Variants in LIN7A observed in about 807,000 individuals in gnomAD.
LIN7A encodes lin-7 cell polarity scaffold A.
LIN7A carries 25 observed loss-of-function variants against 29.8 expected under a neutral mutation model. That is an observed-to-expected ratio of 0.84 (90% CI 0.61 to 1.17). The LOEUF (loss-of-function observed/expected upper bound fraction) is 1.17, where lower values mean the gene tolerates loss of function less well. LIN7A is among the 50% of genes most tolerant of loss of function. The probability of loss-of-function intolerance (pLI) is 0.00; values close to 1 mark genes in which losing one functional copy is unlikely to be tolerated. For synonymous variants in LIN7A, 118 were observed against 107.5 expected, an observed-to-expected ratio of 1.10 and a Z score of -0.60; for missense variants, 239 against 287.0, an observed-to-expected ratio of 0.83 and a Z score of 1.21.
chr12:80,813,279 G>A (rs2121514071), intron 4 of LIN7A, among the ~76,000 whole-genome samples: 1 of 152,200 alleles, frequency 6.6e-6, no homozygotes, highest in South Asian at 2.1e-4. Flanking sequence ...CCAAAGTGCT[G>A]GGATTACAGG....
chr12:80,799,088 T>C (rs779230875), intron 5 of LIN7A, among the ~76,000 whole-genome samples: 2 of 152,154 alleles, frequency 1.3e-5, no homozygotes, highest in African/African-American at 4.8e-5. Flanking sequence ...CCTGAAGGAA[T>C]GGGACTCAGA....
At chr12:80,881,246 T>C (rs372274706) in intron 2 of LIN7A, among the ~76,000 whole-genome samples, 3 of 152,182 alleles carry the variant, frequency 2.0e-5, no homozygotes, top group East Asian at 1.9e-4. Flanking sequence ...AGGAAACTTA[T>C]CACACAAGAA....
At chr12:80,912,726 A>AAAG (rs1370129688) in intron 1 of LIN7A, among the ~76,000 whole-genome samples, 3 of 149,106 alleles carry the variant, frequency 2.0e-5, no homozygotes, top group African/African-American at 4.9e-5. Flanking sequence ...AAAAAAAAAA[A>AAAG]AAAGAAAAGA....
chr12:80,836,894 T>C (rs1298827081), intron 4 of LIN7A, among the ~76,000 whole-genome samples: 1 of 152,122 alleles, frequency 6.6e-6, no homozygotes, highest in African/African-American at 2.4e-5. Flanking sequence ...TGAAGGTCTT[T>C]GCTGTGCAGC....
intron 4 of LIN7A, among the ~76,000 whole-genome samples, chr12:80,822,306 C>T (rs1871844798): frequency 6.6e-6 from 1 of 152,286 alleles, no homozygotes; most frequent in Middle Eastern, 3.4e-3. Context: ...GTCTGTAATC[C>T]TAGCACTTTG....
chr12:80,862,042 G>A (rs1282380640), intron 2 of LIN7A, among the ~76,000 whole-genome samples: 1 of 152,194 alleles, frequency 6.6e-6, no homozygotes, highest in Non-Finnish European at 1.5e-5. Context: ...TAATAGTTGT[G>A]TGACCCTCAA....
At chr12:80,909,521 G>T (rs1876647259) in intron 1 of LIN7A, among the ~76,000 whole-genome samples, 1 of 152,082 alleles carries the variant, frequency 6.6e-6, no homozygotes, top group African/African-American at 2.4e-5. Flanking sequence ...AGATTAAGGT[G>T]CTGGGAGATT....
At chr12:80,892,445 A>G (rs1199557036) in intron 1 of LIN7A, among the ~76,000 whole-genome samples, 1 of 152,184 alleles carries the variant, frequency 6.6e-6, no homozygotes, top group Non-Finnish European at 1.5e-5. Flanking sequence ...GATCTGGACT[A>G]GGAGAAAAAG....
At chr12:80,833,345 A>G (rs1872461598) in intron 4 of LIN7A, among the ~76,000 whole-genome samples, 1 of 152,176 alleles carries the variant, frequency 6.6e-6, no homozygotes, top group Non-Finnish European at 1.5e-5. Flanking sequence ...GTCAATCACC[A>G]GTTCTTGTTT....
At chr12:80,823,284 C>T (rs573687668) in intron 4 of LIN7A, among the ~76,000 whole-genome samples, 24 of 152,332 alleles carry the variant, frequency 1.6e-4, no homozygotes, top group African/African-American at 3.6e-4. Flanking sequence ...AGAGGAGCTA[C>T]GGCCTTTTGG....
intron 3 of LIN7A, among the ~76,000 whole-genome samples, chr12:80,846,990 A>G (rs1873107641): frequency 6.6e-6 from 1 of 152,218 alleles, no homozygotes; most frequent in South Asian, 2.1e-4. Context: ...TTTTCCACAC[A>G]CAGCATTATC....
intron 4 of LIN7A, among the ~76,000 whole-genome samples, chr12:80,832,064 T>C (rs1393041823): frequency 1.3e-5 from 2 of 152,216 alleles, no homozygotes; most frequent in African/African-American, 4.8e-5. Flanking sequence ...ATAGATATTG[T>C]GCCTTCTAGA....
chr12:80,870,807 A>T (rs961516956), intron 2 of LIN7A, among the ~76,000 whole-genome samples: 2 of 152,212 alleles, frequency 1.3e-5, no homozygotes, highest in African/African-American at 4.8e-5. Flanking sequence ...TTGAAAGTTA[A>T]TATTTCTTTG....
intron 5 of LIN7A, among the ~76,000 whole-genome samples, chr12:80,810,393 CTGTGTGTGTGTGTG>C (rs71094992): frequency 0.09 from 13,195 of 146,998 alleles, 643 homozygotes; most frequent in East Asian, 0.19. Context: ...TGGTATACAT[CTGTGTGTGTGTGTG>C]TGTGTGTGTG....
At chr12:80,852,847 T>G (rs1873398798) in intron 2 of LIN7A, among the ~76,000 whole-genome samples, 1 of 152,194 alleles carries the variant, frequency 6.6e-6, no homozygotes, top group Non-Finnish European at 1.5e-5. Flanking sequence ...TCTGACCATA[T>G]GACCCAGTTC....
At chr12:80,801,597 T>C (rs537589631) in intron 5 of LIN7A, among the ~76,000 whole-genome samples, 1 of 152,362 alleles carries the variant, frequency 6.6e-6, no homozygotes, top group African/African-American at 2.4e-5. Flanking sequence ...ATATATTGAA[T>C]TGATGTTTTG....
intron 2 of LIN7A, among the ~76,000 whole-genome samples, chr12:80,872,650 ATTCTT>A (rs368511630): frequency 2.6e-5 from 4 of 152,200 alleles, no homozygotes; most frequent in African/African-American, 9.6e-5. Flanking sequence ...ACTTGATAAA[ATTCTT>A]TGTCACATTT....
At chr12:80,899,941 G>T (rs1035476848) in intron 1 of LIN7A, among the ~76,000 whole-genome samples, 34 of 151,228 alleles carry the variant, frequency 2.2e-4, no homozygotes, top group Non-Finnish European at 4.4e-4. Flanking sequence ...CTAATTTTTT[G>T]TATTTTTAGT....
intron 2 of LIN7A, among the ~76,000 whole-genome samples, chr12:80,886,712 T>C (rs1875345885): frequency 6.6e-6 from 1 of 152,108 alleles, no homozygotes; most frequent in Non-Finnish European, 1.5e-5. Context: ...CCTGTGAAAA[T>C]GTCAAACTGT....
Sources: allele counts gnomAD v4.1 joint callset (sites outside exome capture counted in the v4.1 genomes callset), GRCh38; gene constraint gnomAD v4.1.1; transcripts MANE v1.5; gene names NCBI Gene and HGNC (gene_info 2026-07-23, HGNC 2026-07-21).